The following RHOT1 variants were observed in gnomAD, a reference collection of about 807,000 sequenced individuals.
The protein encoded by RHOT1 is ras homolog family member T1, also known as mitochondrial Rho GTPase 1.
A neutral mutation model predicts 95.3 loss-of-function variants in RHOT1; 27 were observed. That is an observed-to-expected ratio of 0.28 (90% CI 0.21 to 0.39). RHOT1 has a LOEUF of 0.39. Ranked by LOEUF, RHOT1 falls within the 10% of genes least tolerant of loss-of-function variation. The pLI, the probability that RHOT1 is intolerant of heterozygous loss-of-function variation, is 1.00. For missense variants in RHOT1, 578 were observed against 786.7 expected, an observed-to-expected ratio of 0.73 and a Z score of 3.17; for synonymous variants, 227 against 263.5, an observed-to-expected ratio of 0.86 and a Z score of 1.34.
intron 8 of RHOT1, among the ~76,000 whole-genome samples, chr17:32,185,060 T>C (rs1395458240): frequency 6.6e-6 from 1 of 152,092 alleles, no homozygotes; most frequent in African/African-American, 2.4e-5. Context: ...GCTGGGACTA[T>C]AGGCACATAC....
intron 6 of RHOT1, among the ~76,000 whole-genome samples, chr17:32,178,654 G>C (rs1040677153): frequency 6.9e-6 from 1 of 144,284 alleles, no homozygotes; most frequent in Non-Finnish European, 1.5e-5. Flanking sequence ...GCTGCCCATC[G>C]TCTGGGATGT....
At chr17:32,203,104 C>T (rs1018753585) in intron 15 of RHOT1, among the ~76,000 whole-genome samples, 2 of 151,902 alleles carry the variant, frequency 1.3e-5, no homozygotes, top group South Asian at 2.1e-4. Flanking sequence ...TTTTTTTAAC[C>T]AGTGTTTAAA....
chr17:32,162,205 A>G (rs182045681), intron 1 of RHOT1, among the ~76,000 whole-genome samples: 39 of 152,134 alleles, frequency 2.6e-4, no homozygotes, highest in Non-Finnish European at 5.9e-5. Context: ...TCCTGCTAGC[A>G]TGCTCTGTTG....
intron 1 of RHOT1, among the ~76,000 whole-genome samples, chr17:32,161,195 G>A (rs548097702): frequency 1.3e-5 from 2 of 152,264 alleles, no homozygotes; most frequent in East Asian, 1.9e-4. Context: ...AGGATAGTTT[G>A]GTGGGTGGGG....
chr17:32,143,122 C>T (rs2030670872), intron 1 of RHOT1: 1 of 555,376 alleles, frequency 1.8e-6, no homozygotes, highest in Non-Finnish European at 3.6e-6. Context: ...ACCTTCTTGT[C>T]TTCTGGAGAT....
At chr17:32,175,811 T>A (rs2034956848) in intron 4 of RHOT1, 151 bp from the exon 5 acceptor site, 1 of 531,076 alleles carries the variant, frequency 1.9e-6, no homozygotes, top group African/African-American at 2.0e-5. Context: ...ACATTTTCTC[T>A]TAGAGGCAAG....
At chr17:32,164,151 G>C (rs1372390430) in intron 1 of RHOT1, among the ~76,000 whole-genome samples, 1 of 152,172 alleles carries the variant, frequency 6.6e-6, no homozygotes, top group Non-Finnish European at 1.5e-5. Flanking sequence ...TTATAGAATT[G>C]CTTAAAAAAT....
intron 8 of RHOT1, among the ~76,000 whole-genome samples, chr17:32,188,214 A>T (rs537529244): frequency 1.1e-4 from 17 of 152,380 alleles, no homozygotes; most frequent in African/African-American, 4.1e-4. Context: ...AGAATAATAA[A>T]GTGTTTTTTA....
intron 19 of RHOT1, 138 bp from the exon 20 acceptor site, chr17:32,224,478 T>C: frequency 4.0e-6 from 2 of 495,950 alleles, no homozygotes; most frequent in Non-Finnish European, 7.2e-6. Context: ...TATTGATCAA[T>C]GTTTTTGATA....
chr17:32,150,706 G>A (rs1280205977), intron 1 of RHOT1: 4 of 1,603,420 alleles, frequency 2.5e-6, no homozygotes, highest in Non-Finnish European at 3.4e-6. Context: ...TATGTCATAG[G>A]CATCAGAGTA....
At chr17:32,187,996 T>C (rs972733799) in intron 8 of RHOT1, among the ~76,000 whole-genome samples, 2 of 152,264 alleles carry the variant, frequency 1.3e-5, no homozygotes, top group African/African-American at 4.8e-5. Context: ...CATTCTTTTA[T>C]GTTATCTGTG....
At chr17:32,199,687 C>T (rs1014407660) in intron 13 of RHOT1, 137 bp downstream of exon 13, 2 of 597,692 alleles carry the variant, frequency 3.3e-6, no homozygotes, top group Non-Finnish European at 5.5e-6. Flanking sequence ...AGATTAGCTG[C>T]TGATATCTCT....
intron 1 of RHOT1, among the ~76,000 whole-genome samples, chr17:32,152,633 T>G (rs2032452589): frequency 1.3e-5 from 2 of 151,406 alleles, no homozygotes; most frequent in Non-Finnish European, 2.9e-5. Flanking sequence ...ATGGATGAGT[T>G]TTAAGGGCCA....
chr17:32,162,812 G>A lies in RHOT1; in HGVS notation c.38-8231G>A, dbSNP rs539422183. Among the ~76,000 whole-genome samples the A allele has an allele frequency of 5.3e-5, 8 of 152,248 alleles. No individual in the cohort carries two copies. The South Asian group carries it at 1.2e-3, about 24-fold the overall frequency. Reference sequence around the variant, plus strand: ...GTTATAATTTAATATAAATTGTGTGGCACAAAAGTAGTTCAAAGGAGGAAG... The same window carrying A: ...GTTATAATTTAATATAAATTGTGTGACACAAAAGTAGTTCAAAGGAGGAAG... On this transcript the variant is annotated intron_variant, in intron 1 of 19. Transcript: ENST00000545287.
chr17:32,178,273 C>T (rs1365185311), intron 6 of RHOT1, among the ~76,000 whole-genome samples: 3 of 150,986 alleles, frequency 2.0e-5, no homozygotes, highest in Non-Finnish European at 4.4e-5. Context: ...CTCACTGCAA[C>T]CTGCCTGCCT....
At chr17:32,155,666 C>T (rs2142404478) in intron 1 of RHOT1, among the ~76,000 whole-genome samples, 2 of 151,794 alleles carry the variant, frequency 1.3e-5, no homozygotes, top group South Asian at 4.2e-4. Flanking sequence ...CCTTAGCCTC[C>T]CGATTACCTG....
intron 16 of RHOT1, among the ~76,000 whole-genome samples, chr17:32,204,527 C>T (rs1205611359): frequency 2.5e-5 from 3 of 118,398 alleles, no homozygotes; most frequent in African/African-American, 7.0e-5. Context: ...GCAACAAGAG[C>T]GAAACTCCAT....
chr17:32,147,598 G>T (rs1364278675), intron 1 of RHOT1, among the ~76,000 whole-genome samples: 1 of 152,074 alleles, frequency 6.6e-6, no homozygotes, highest in Non-Finnish European at 1.5e-5. Flanking sequence ...CAAGGTGGGT[G>T]GCTCAAAGGT....
intron 17 of RHOT1, 76 bp from the exon 18 acceptor site, chr17:32,208,031 A>G: frequency 7.5e-7 from 1 of 1,339,796 alleles, no homozygotes; most frequent in Non-Finnish European, 1.1e-6. Flanking sequence ...TCTGGAGGAA[A>G]TGCTTGGTTC....
Sources: allele counts gnomAD v4.1 joint callset (sites outside exome capture counted in the v4.1 genomes callset), GRCh38; gene constraint gnomAD v4.1.1; transcripts MANE v1.5; gene names NCBI Gene and HGNC (gene_info 2026-07-23, HGNC 2026-07-21).